Variants in RSPO2 observed in about 807,000 individuals in gnomAD.
The protein encoded by RSPO2 is R-spondin-2.
Under a neutral mutation model 30.9 loss-of-function variants are expected in RSPO2, and 14 were observed. That is an observed-to-expected ratio of 0.45 (90% CI 0.30 to 0.71). RSPO2 has a LOEUF of 0.71. Among genes scored for constraint, RSPO2 ranks in the 30% least tolerant of loss-of-function variants. The pLI is 0.08. For missense variants in RSPO2, 264 were observed against 301.9 expected (o/e 0.87, Z 0.93); for synonymous variants, 107 against 96.4 (o/e 1.11, Z -0.64).
At chr8:107,961,098 A>G (rs556811629) in intron 3 of RSPO2, among the ~76,000 whole-genome samples, 8 of 152,334 alleles carry the variant, frequency 5.3e-5, no homozygotes, top group Non-Finnish European at 1.0e-4. Flanking sequence ...TGGGATTAAA[A>G]CAAAAAATTC....
chr8:107,958,412 A>C, intron 4 of RSPO2, 144 bp from the exon 5 acceptor site: 1 of 614,282 alleles, frequency 1.6e-6, no homozygotes, highest in South Asian at 2.1e-5. Flanking sequence ...ACAGCCTTGA[A>C]GACCTATACT....
At chr8:107,979,231 C>T (rs565860227) in intron 3 of RSPO2, among the ~76,000 whole-genome samples, 79 of 152,214 alleles carry the variant, frequency 5.2e-4, no homozygotes, top group Non-Finnish European at 9.3e-4. Flanking sequence ...CACGTGCACA[C>T]GTATGTTTAT....
At chr8:108,064,517 G>A (rs1812594306) in intron 2 of RSPO2, among the ~76,000 whole-genome samples, 1 of 152,156 alleles carries the variant, frequency 6.6e-6, no homozygotes, top group Admixed American at 6.5e-5. Context: ...AAAAAGTCAG[G>A]AAACAACAGG....
chr8:108,045,366 G>C (rs980568433), intron 2 of RSPO2, among the ~76,000 whole-genome samples: 3 of 152,040 alleles, frequency 2.0e-5, no homozygotes, highest in African/African-American at 4.8e-5. Flanking sequence ...AAACCACAAA[G>C]AGATACCATC....
intron 4 of RSPO2, among the ~76,000 whole-genome samples, chr8:107,960,099 T>G (rs538939): frequency 1.3e-5 from 2 of 151,976 alleles, no homozygotes; most frequent in African/African-American, 4.8e-5. Flanking sequence ...TTTTACCAAC[T>G]CTCAGAAGAT....
chr8:108,074,529 A>G (rs562194916), intron 2 of RSPO2, among the ~76,000 whole-genome samples: 2 of 152,342 alleles, frequency 1.3e-5, no homozygotes, highest in East Asian at 1.9e-4. Flanking sequence ...AATTTTTACT[A>G]AAACATACTT....
chr8:107,950,549 T>C (rs571803394), intron 5 of RSPO2, among the ~76,000 whole-genome samples: 11 of 151,974 alleles, frequency 7.2e-5, no homozygotes, highest in Non-Finnish European at 1.5e-4. Context: ...ACTAAATCCT[T>C]TGAGTAATGG....
chr8:108,074,592 C>A (rs950032398), intron 2 of RSPO2, among the ~76,000 whole-genome samples: 1 of 152,154 alleles, frequency 6.6e-6, no homozygotes, highest in Non-Finnish European at 1.5e-5. Flanking sequence ...ATTTAATATT[C>A]ATTACTTTAT....
chr8:108,009,936 C>T (rs560915530), intron 2 of RSPO2, among the ~76,000 whole-genome samples: 10 of 151,914 alleles, frequency 6.6e-5, no homozygotes, highest in African/African-American at 1.9e-4. Context: ...GTAGTCCCAG[C>T]TACTTGCGAG....
chr8:108,011,865 T>C (rs991793038), intron 2 of RSPO2, among the ~76,000 whole-genome samples: 14 of 152,152 alleles, frequency 9.2e-5, no homozygotes, highest in African/African-American at 3.4e-4. Flanking sequence ...TTCCTCCAAG[T>C]AGAACATTCA....
In RSPO2 at chr8:108,016,378, G is replaced by A. The variant is rs764629642; in HGVS notation, c.95-27134C>T. Among the ~76,000 whole-genome samples, 13 of 152,220 alleles carry A rather than the reference G, an allele frequency of 8.5e-5. No homozygotes were observed. The South Asian group carries it at 1.0e-3, about 12-fold the overall frequency. ...GAAATCCCAAGTAAACGTCTGTGAA[G>A]CAGGCTATAAAGCAGCCAGACTAGA... On this transcript the variant is annotated intron_variant, in intron 2 of 5. Transcript: ENST00000276659.
chr8:107,960,646 A>G, intron 4 of RSPO2, 28 bp downstream of exon 4: 1 of 1,598,644 alleles, frequency 6.3e-7, no homozygotes, highest in South Asian at 1.1e-5. Flanking sequence ...AAAGTTGCAG[A>G]TTGAGAGTTA....
intron 2 of RSPO2, among the ~76,000 whole-genome samples, chr8:108,003,329 T>A (rs1293808276): frequency 1.1e-4 from 12 of 109,204 alleles, no homozygotes; most frequent in African/African-American, 4.6e-4. Context: ...TTTTTTTTTT[T>A]TTTTTTTTAA....
intron 2 of RSPO2, among the ~76,000 whole-genome samples, chr8:108,068,133 A>T (rs1251827250): frequency 6.6e-6 from 1 of 152,214 alleles, no homozygotes; most frequent in Non-Finnish European, 1.5e-5. Context: ...GATGAACAGC[A>T]AGAAGCCAAG....
intron 2 of RSPO2, among the ~76,000 whole-genome samples, chr8:108,015,705 T>A (rs186141492): frequency 4.3e-4 from 65 of 152,048 alleles, no homozygotes; most frequent in Middle Eastern, 6.8e-3. Context: ...TAATTTTCCA[T>A]CCAAACACCG....
At chr8:107,908,290 G>A (rs924152057) in intron 5 of RSPO2, among the ~76,000 whole-genome samples, 1 of 152,112 alleles carries the variant, frequency 6.6e-6, no homozygotes, top group Non-Finnish European at 1.5e-5. Flanking sequence ...ATTTGGGCTT[G>A]TTTCTTAAAT....
At chr8:107,914,131 A>C (rs1223335814) in intron 5 of RSPO2, among the ~76,000 whole-genome samples, 1 of 152,152 alleles carries the variant, frequency 6.6e-6, no homozygotes, top group Non-Finnish European at 1.5e-5. Flanking sequence ...TGACATATAA[A>C]GAGTATCAGT....
intron 2 of RSPO2, among the ~76,000 whole-genome samples, chr8:108,075,653 CT>C (rs1812986840): frequency 6.7e-6 from 1 of 150,280 alleles, no homozygotes. Context: ...AGAATGAGTA[CT>C]GGGCTGGGAA....
chr8:108,021,141 T>C (rs1750997864), intron 2 of RSPO2, among the ~76,000 whole-genome samples: 2 of 152,174 alleles, frequency 1.3e-5, no homozygotes, highest in African/African-American at 4.8e-5. Flanking sequence ...TAGTGCAACA[T>C]TAATAAAGAG....
Sources: allele counts gnomAD v4.1 joint callset (sites outside exome capture counted in the v4.1 genomes callset), GRCh38; gene constraint gnomAD v4.1.1; transcripts MANE v1.5; gene names NCBI Gene and HGNC (gene_info 2026-07-23, HGNC 2026-07-21).